Variants in DLG2 observed in about 807,000 individuals in gnomAD.
DLG2 encodes discs large MAGUK scaffold protein 2.
A neutral mutation model predicts 132.5 loss-of-function variants in DLG2; 45 were observed. That is an observed-to-expected ratio of 0.34 (90% confidence interval 0.27 to 0.44). The LOEUF is 0.44. DLG2 is among the 20% of genes least tolerant of loss of function. DLG2 has a pLI of 1.00. For synonymous variants in DLG2, 424 were observed against 419.6 expected (o/e 1.01, Z -0.13); for missense variants, 1,045 against 1,196.9 (o/e 0.87, Z 1.87).
chr11:84,738,184 A>G (rs998597494), intron 6 of DLG2, among the ~76,000 whole-genome samples: 1 of 151,976 alleles, frequency 6.6e-6, no homozygotes, highest in Non-Finnish European at 1.5e-5. Context: ...CTAGAGTCAG[A>G]CTTTGCAGAA....
chr11:83,765,047 T>C (rs1433647220), intron 18 of DLG2, among the ~76,000 whole-genome samples: 1 of 152,238 alleles, frequency 6.6e-6, no homozygotes, highest in East Asian at 1.9e-4. Context: ...TGTTCTGTTA[T>C]AGTATTAAAA....
intron 7 of DLG2, among the ~76,000 whole-genome samples, chr11:84,485,316 G>C (rs1188613613): frequency 6.6e-6 from 1 of 151,984 alleles, no homozygotes; most frequent in Non-Finnish European, 1.5e-5. Flanking sequence ...CCAATAATGA[G>C]ACTAAATAAC....
chr11:84,461,980 G>C (rs1351784667), intron 7 of DLG2, among the ~76,000 whole-genome samples: 3 of 150,854 alleles, frequency 2.0e-5, no homozygotes, highest in African/African-American at 7.3e-5. Context: ...GATAGGAAAA[G>C]ACATCAGAAA....
chr11:85,583,120 GTGTGTGTGTGTATATATATA>G (rs1275242446), intron 3 of DLG2, among the ~76,000 whole-genome samples: 2,834 of 57,566 alleles, frequency 0.049, 80 homozygotes, highest in East Asian at 0.19. Context: ...GTGTGTGTGT[GTGTGTGTGTGTATATATATA>G]TATATATATA....
chr11:84,239,262 C>G (rs754608558), intron 8 of DLG2, among the ~76,000 whole-genome samples: 1 of 150,770 alleles, frequency 6.6e-6, no homozygotes, highest in African/African-American at 2.4e-5. Context: ...CTCACTGCAA[C>G]CTCAACCTTC....
chr11:84,390,247 A>G (rs2098787759), intron 7 of DLG2, among the ~76,000 whole-genome samples: 1 of 152,196 alleles, frequency 6.6e-6, no homozygotes, highest in African/African-American at 2.4e-5. Flanking sequence ...CTACGGTAAC[A>G]TAACTTAGTG....
chr11:83,856,006 G>A (rs929312191), intron 16 of DLG2, among the ~76,000 whole-genome samples: 1 of 152,088 alleles, frequency 6.6e-6, no homozygotes. Flanking sequence ...CCCTCTGTCA[G>A]GCCCCAGTGT....
intron 3 of DLG2, among the ~76,000 whole-genome samples, chr11:85,554,776 T>C (rs1243581004): frequency 6.6e-6 from 1 of 151,660 alleles, no homozygotes; most frequent in Non-Finnish European, 1.5e-5. Context: ...ATTGCTCCTA[T>C]AGGTAACACC....
intron 3 of DLG2, among the ~76,000 whole-genome samples, chr11:85,556,877 T>C (rs2076967910): frequency 6.6e-6 from 1 of 151,872 alleles, no homozygotes; most frequent in African/African-American, 2.4e-5. Flanking sequence ...GAAAAAAATA[T>C]ATGTCATTAG....
intron 19 of DLG2, among the ~76,000 whole-genome samples, chr11:83,566,209 G>A (rs762389850): frequency 2.6e-5 from 4 of 152,156 alleles, no homozygotes; most frequent in Non-Finnish European, 5.9e-5. Context: ...GGAGCAGCTG[G>A]TGGAAAAACC....
intron 2 of DLG2, among the ~76,000 whole-genome samples, chr11:85,616,104 T>C (rs531742005): frequency 7.2e-5 from 11 of 152,188 alleles, no homozygotes; most frequent in Non-Finnish European, 1.0e-4. Flanking sequence ...AGTCAACTGA[T>C]GGTAAAAGCT....
chr11:85,103,430 A>T (rs1374299852), intron 6 of DLG2, among the ~76,000 whole-genome samples: 1 of 151,976 alleles, frequency 6.6e-6, no homozygotes, highest in South Asian at 2.1e-4. Context: ...AACAGAGTTG[A>T]AAGTCCATAA....
At chr11:84,119,396 T>C (rs1466162441) in intron 9 of DLG2, among the ~76,000 whole-genome samples, 1 of 151,876 alleles carries the variant, frequency 6.6e-6, no homozygotes, top group African/African-American at 2.4e-5. Context: ...CATATGCAGA[T>C]GAGCGTTTTA....
chr11:84,161,900 T>C (rs1459303416), intron 9 of DLG2, among the ~76,000 whole-genome samples: 2 of 152,294 alleles, frequency 1.3e-5, no homozygotes, highest in East Asian at 3.9e-4. Flanking sequence ...TTTCTCCAGT[T>C]AGCATACCAT....
chr11:85,355,248 GA>G, intron 3 of DLG2, among the ~76,000 whole-genome samples: 1 of 152,180 alleles, frequency 6.6e-6, no homozygotes, highest in East Asian at 1.9e-4. Flanking sequence ...AGGCATAAAA[GA>G]TTTGATTAGC....
At chr11:84,711,606 G>A (rs146569970) in intron 6 of DLG2, among the ~76,000 whole-genome samples, 197 of 151,990 alleles carry the variant, frequency 1.3e-3, no homozygotes, top group Non-Finnish European at 2.4e-3. Flanking sequence ...CCCAAAAAGA[G>A]CCAATGCTTC....
chr11:84,532,777 C>T (rs1267696496), intron 7 of DLG2, among the ~76,000 whole-genome samples: 2 of 152,068 alleles, frequency 1.3e-5, no homozygotes, highest in Admixed American at 6.6e-5. Context: ...ACTACAGGTG[C>T]GGGCCACTGT....
At chr11:84,466,973 C>A (rs1334100394) in intron 7 of DLG2, among the ~76,000 whole-genome samples, 1 of 150,970 alleles carries the variant, frequency 6.6e-6, no homozygotes, top group Non-Finnish European at 1.5e-5. Context: ...TTAGAAATAT[C>A]AATATCTACT....
chr11:84,629,212 C>T (rs1251749829), intron 6 of DLG2, among the ~76,000 whole-genome samples: 1 of 152,186 alleles, frequency 6.6e-6, no homozygotes, highest in Non-Finnish European at 1.5e-5. Flanking sequence ...TCTGCAACCC[C>T]TCCCCACATA....
Sources: allele counts gnomAD v4.1 joint callset (sites outside exome capture counted in the v4.1 genomes callset), GRCh38; gene constraint gnomAD v4.1.1; transcripts MANE v1.5; gene names NCBI Gene and HGNC (gene_info 2026-07-23, HGNC 2026-07-21).